DIAPH3: variants seen among roughly 807,000 people sequenced by gnomAD.
DIAPH3 encodes the protein diaphanous related formin 3.
DIAPH3 carries 117 observed loss-of-function variants against 144.3 expected under a neutral mutation model. That is an observed-to-expected ratio of 0.81 (90% CI 0.70 to 0.95). The LOEUF is 0.95. DIAPH3 is among the 40% of genes least tolerant of loss of function. The probability of loss-of-function intolerance (pLI) is 0.00; values close to 1 mark genes in which losing one functional copy is unlikely to be tolerated. For missense variants in DIAPH3, 1,421 were observed against 1,412.7 expected, an observed-to-expected ratio of 1.01 and a Z score of -0.09; for synonymous variants, 519 against 488.9, an observed-to-expected ratio of 1.06 and a Z score of -0.81.
chr13:59,855,423 T>C (rs1164884537), intron 22 of DIAPH3, among the ~76,000 whole-genome samples: 2 of 151,968 alleles, frequency 1.3e-5, no homozygotes, highest in Admixed American at 1.3e-4. Context: ...ATATATAAAT[T>C]ATATTTTAAA....
At chr13:60,060,456 A>G (rs1207199358) in intron 4 of DIAPH3, among the ~76,000 whole-genome samples, 1 of 152,112 alleles carries the variant, frequency 6.6e-6, no homozygotes, top group African/African-American at 2.4e-5. Flanking sequence ...TATGATTAAC[A>G]GTTTTTAAAG....
intron 27 of DIAPH3, among the ~76,000 whole-genome samples, chr13:59,706,556 A>G (rs2034439728): frequency 6.6e-6 from 1 of 152,216 alleles, no homozygotes. Flanking sequence ...TTACTCTAAT[A>G]TATTGCTTAA....
At chr13:59,804,873 C>T (rs1269704405) in intron 25 of DIAPH3, among the ~76,000 whole-genome samples, 7 of 152,048 alleles carry the variant, frequency 4.6e-5, no homozygotes, top group Non-Finnish European at 1.0e-4. Flanking sequence ...CAAGTACAAA[C>T]GTTAATTGCA....
intron 5 of DIAPH3, 116 bp from the exon 6 acceptor site, chr13:60,016,261 G>A (rs1321800967): frequency 1.1e-6 from 1 of 902,610 alleles, no homozygotes; most frequent in African/African-American, 1.7e-5. Context: ...TAAAACATAA[G>A]AATAACACCA....
intron 3 of DIAPH3, among the ~76,000 whole-genome samples, chr13:60,104,990 G>A (rs1245447538): frequency 6.6e-6 from 1 of 151,286 alleles, no homozygotes; most frequent in Non-Finnish European, 1.5e-5. Context: ...CAGCTACTCG[G>A]GAGGCTGAGG....
chr13:59,961,429 A>C (rs2049751541), intron 17 of DIAPH3, among the ~76,000 whole-genome samples: 1 of 152,212 alleles, frequency 6.6e-6, no homozygotes, highest in Admixed American at 6.5e-5. Context: ...CTTCGCGTGT[A>C]TATTACACAG....
At chr13:59,861,143 G>C in intron 22 of DIAPH3, 1 of 1,129,668 alleles carries the variant, frequency 8.9e-7, no homozygotes, top group East Asian at 2.6e-5. Context: ...GTAGAAGGTA[G>C]GGCTAGCAGG....
intron 5 of DIAPH3, among the ~76,000 whole-genome samples, chr13:60,023,601 T>C (rs2054171843): frequency 6.7e-6 from 1 of 150,030 alleles, no homozygotes; most frequent in Non-Finnish European, 1.5e-5. Context: ...GCCTGGCTAA[T>C]TTTTGTATTT....
chr13:59,903,830 T>C (rs2046584214), intron 20 of DIAPH3, among the ~76,000 whole-genome samples: 1 of 152,228 alleles, frequency 6.6e-6, no homozygotes, highest in African/African-American at 2.4e-5. Context: ...ATTTCATACA[T>C]TCACTTAACA....
At chr13:60,086,060 T>G (rs2057736797) in intron 4 of DIAPH3, among the ~76,000 whole-genome samples, 2 of 152,072 alleles carry the variant, frequency 1.3e-5, no homozygotes, top group African/African-American at 4.8e-5. Context: ...TGATGAAGCC[T>G]TTTTTAAAAA....
At chr13:60,005,284 G>A (rs1007593605) in intron 9 of DIAPH3, among the ~76,000 whole-genome samples, 12 of 152,132 alleles carry the variant, frequency 7.9e-5, no homozygotes, top group Non-Finnish European at 1.3e-4. Flanking sequence ...TTACATTTAC[G>A]TGAAATGTCT....
At chr13:59,811,736 CAA>C (rs59712985) in intron 24 of DIAPH3, among the ~76,000 whole-genome samples, 23 of 56,770 alleles carry the variant, frequency 4.1e-4, no homozygotes, top group African/African-American at 1.2e-3. Context: ...GACTCTGTCT[CAA>C]AAAAAAAAAA....
At chr13:59,680,887 T>C (rs1213289227) in intron 27 of DIAPH3, among the ~76,000 whole-genome samples, 2 of 152,184 alleles carry the variant, frequency 1.3e-5, no homozygotes, top group Non-Finnish European at 1.5e-5. Context: ...ACCTTTGCAA[T>C]TGATGGAATC....
At chr13:60,115,933 T>G in intron 2 of DIAPH3, among the ~76,000 whole-genome samples, 1 of 152,088 alleles carries the variant, frequency 6.6e-6, no homozygotes, top group East Asian at 1.9e-4. Flanking sequence ...CCTGGGATTC[T>G]ATATACAGTG....
chr13:59,685,960 A>G (rs2033190008), intron 27 of DIAPH3, among the ~76,000 whole-genome samples: 1 of 152,162 alleles, frequency 6.6e-6, no homozygotes, highest in Admixed American at 6.5e-5. Context: ...TAAAATCTAT[A>G]GTCCAAGTTA....
intron 17 of DIAPH3, among the ~76,000 whole-genome samples, chr13:59,966,768 T>A (rs1355115029): frequency 1.3e-5 from 2 of 152,202 alleles, no homozygotes. Flanking sequence ...ATCATTTAAA[T>A]GCCTGGGATG....
chr13:59,874,868 G>C (rs2044513435), intron 21 of DIAPH3, among the ~76,000 whole-genome samples: 1 of 152,090 alleles, frequency 6.6e-6, no homozygotes, highest in Admixed American at 6.6e-5. Flanking sequence ...TGATCAGAAT[G>C]ATCTGTTACT....
intron 27 of DIAPH3, among the ~76,000 whole-genome samples, chr13:59,704,426 G>A (rs1188945388): frequency 6.6e-6 from 1 of 152,132 alleles, no homozygotes; most frequent in Non-Finnish European, 1.5e-5. Context: ...TGGTATTCTA[G>A]TTGCTCTTGG....
intron 13 of DIAPH3, 42 bp from the exon 14 acceptor site, chr13:59,980,901 T>G (rs764544739): frequency 1.2e-5 from 18 of 1,514,918 alleles, no homozygotes; most frequent in Non-Finnish European, 1.6e-5. Context: ...TGAAACTTCT[T>G]AAACTCATTA....
Sources: allele counts gnomAD v4.1 joint callset (sites outside exome capture counted in the v4.1 genomes callset), GRCh38; gene constraint gnomAD v4.1.1; transcripts MANE v1.5; gene names NCBI Gene and HGNC (gene_info 2026-07-23, HGNC 2026-07-21).